STOX2: variants seen among roughly 807,000 people sequenced by gnomAD.
STOX2 encodes the protein storkhead-box protein 2.
In STOX2, 28 loss-of-function variants were observed where a neutral mutation model predicts 60.9. The ratio of observed to expected loss-of-function variants is 0.46; its 90% CI spans 0.34 to 0.63. The LOEUF is 0.63. Among genes scored for constraint, STOX2 ranks in the 30% least tolerant of loss-of-function variants. The pLI is 0.01. For synonymous variants in STOX2, 472 were observed against 463.9 expected, an observed-to-expected ratio of 1.02 and a Z score of -0.22; for missense variants, 1,024 against 1,187.7, an observed-to-expected ratio of 0.86 and a Z score of 2.03.
chr4:183,977,327 G>C (rs1374303422), intron 1 of STOX2, among the ~76,000 whole-genome samples: 2 of 152,056 alleles, frequency 1.3e-5, no homozygotes, highest in African/African-American at 2.4e-5. Context: ...TGTATCCACG[G>C]GATTAGAAGT....
intron 1 of STOX2, among the ~76,000 whole-genome samples, chr4:183,920,676 C>A (rs1742075699): frequency 6.6e-6 from 1 of 152,170 alleles, no homozygotes; most frequent in Non-Finnish European, 1.5e-5. Context: ...AAGGGGCAGG[C>A]TGGGGGATTT....
At chr4:183,803,231 G>C (rs1738808781) in intron 1 of STOX2, among the ~76,000 whole-genome samples, 1 of 152,060 alleles carries the variant, frequency 6.6e-6, no homozygotes, top group Non-Finnish European at 1.5e-5. Context: ...TAACATGTGG[G>C]AATTATGGGA....
rs1440001201 is a variant in STOX2, at chr4:183,906,706, G to C, written c.-85G>C. 1.5e-6 allele frequency: 2 copies of C among 1,367,914 alleles called. No individual in the cohort carries two copies. Among genetic ancestry groups the C allele is most frequent in the South Asian group, 3.1e-5 (2 of 64,892 alleles). The allele number at this position is 1,367,914 out of a possible 1,614,324, so 84.7% of individuals were successfully genotyped here. On this transcript the variant is annotated 5_prime_UTR_variant, in exon 1 of 4. Transcript: ENST00000308497. The stretch of plus-strand genomic sequence containing the variant: ...AATGTGCGCAGAGTCCGCCCGGGTC[G>C]TGCCCGCCGTAGACGGATGAAGGAG...
chr4:183,932,130 G>A (rs966559619), intron 1 of STOX2, among the ~76,000 whole-genome samples: 1 of 152,026 alleles, frequency 6.6e-6, no homozygotes, highest in Non-Finnish European at 1.5e-5. Flanking sequence ...TGAGTAGGAA[G>A]GAGGAGTCAA....
chr4:183,978,076 T>C (rs1732511585), intron 1 of STOX2, among the ~76,000 whole-genome samples: 1 of 152,276 alleles, frequency 6.6e-6, no homozygotes, highest in Non-Finnish European at 1.5e-5. Flanking sequence ...ATTATTTCTT[T>C]TGCTGTGCAA....
At chr4:183,815,167 T>A (rs116379365) in intron 1 of STOX2, among the ~76,000 whole-genome samples, 4,606 of 152,066 alleles carry the variant, frequency 0.03, 100 homozygotes, top group Middle Eastern at 0.1. Context: ...TAATTTTTTT[T>A]TTTTATTTTA....
chr4:183,879,080 C>A (rs1245851157), intron 1 of STOX2, among the ~76,000 whole-genome samples: 3 of 152,092 alleles, frequency 2.0e-5, no homozygotes, highest in Non-Finnish European at 2.9e-5. Context: ...AGATCAAGAG[C>A]CATAAATCTC....
intron 1 of STOX2, among the ~76,000 whole-genome samples, chr4:183,985,700 A>G (rs926366790): frequency 6.6e-5 from 10 of 152,154 alleles, no homozygotes; most frequent in African/African-American, 2.4e-4. Context: ...TTCATAGATC[A>G]TAGAAGAAAC....
intron 1 of STOX2, among the ~76,000 whole-genome samples, chr4:183,926,620 TG>T (rs1490042113): frequency 1.3e-5 from 2 of 150,562 alleles, no homozygotes; most frequent in African/African-American, 2.4e-5. Flanking sequence ...AAAGCAAAAG[TG>T]GGTTTTTTTT....
chr4:183,893,109 CTT>C (rs11347203), intron 1 of STOX2, among the ~76,000 whole-genome samples: 15 of 145,890 alleles, frequency 1.0e-4, no homozygotes, highest in Middle Eastern at 3.6e-3. Flanking sequence ...GTCCAACTTT[CTT>C]TTTTTTTTTT....
At chr4:183,857,151 G>A (rs72695308) in intron 1 of STOX2, among the ~76,000 whole-genome samples, 12,571 of 150,986 alleles carry the variant, frequency 0.083, 724 homozygotes, top group Middle Eastern at 0.13. Context: ...TATCCCGCAG[G>A]ACTGGTTATC....
In STOX2 at chr4:183,819,364, G is replaced by A. The variant is rs533840886; in HGVS notation, c.364+21309G>A. On this transcript the variant is annotated intron_variant, in intron 1 of 2. Transcript: ENST00000513034. The stretch of plus-strand genomic sequence containing the variant: ...TGGAGACCAGCCCGGCCAACACAGC[G>A]AAACCCCGTCTCCACCAAAAAAATA... 1.6e-3 allele frequency among the ~76,000 whole-genome samples: 239 copies of A among 152,108 alleles called. 1 individual carries two copies. The highest frequency in any genetic ancestry group is 5.2e-3 in the African/African-American group (216 of 41,464).
intron 1 of STOX2, among the ~76,000 whole-genome samples, chr4:183,994,592 A>T (rs1733253365): frequency 6.6e-6 from 1 of 152,200 alleles, no homozygotes; most frequent in African/African-American, 2.4e-5. Context: ...TTCATATAGG[A>T]TCACAGGATT....
chr4:183,989,169 GTTTTTTTTTTTT>G (rs11421201), intron 1 of STOX2, among the ~76,000 whole-genome samples: 5 of 80,012 alleles, frequency 6.2e-5, no homozygotes, highest in Admixed American at 2.6e-4. Context: ...ATTTTTTCTG[GTTTTTTTTTTTT>G]TTTTTTTTTT....
chr4:183,932,013 G>A (rs866614840), intron 1 of STOX2, among the ~76,000 whole-genome samples: 2 of 152,128 alleles, frequency 1.3e-5, no homozygotes, highest in African/African-American at 2.4e-5. Context: ...AGGAGACAGC[G>A]TGGAGCAGGT....
chr4:184,010,202 T>C lies in STOX2; in HGVS notation c.1364T>C (p.Phe455Ser). 6.4e-7 allele frequency: 1 copy of C among 1,554,444 alleles called. No individual in the cohort carries two copies. Among genetic ancestry groups the C allele is most frequent in the Non-Finnish European group, 8.7e-7 (1 of 1,148,562 alleles). The part of the protein sequence containing the change: ...ELAKRRTEMP[F>S]PEPSRGSSHS... ...GCTAAAAGGAGAACTGAGATGCCTT[T>C]TCCTGAACCTTCTAGGGGAAGCTCC... is the stretch of plus-strand genomic sequence containing the variant. Residue 455 changes from phenylalanine to serine, a missense_variant, in exon 3 of 4, where the codon TTT becomes TCT. This residue lies in a region of STOX2 where 922 missense variants were observed against 1,058.3 expected (regional missense o/e 0.87). Transcript: ENST00000308497. This position sits in a 1 kb window ranked among gnomAD's most constrained non-coding sequence, Gnocchi z 4.5.
chr4:183,891,561 G>A, intron 1 of STOX2, among the ~76,000 whole-genome samples: 1 of 151,498 alleles, frequency 6.6e-6, no homozygotes, highest in East Asian at 1.9e-4. Context: ...AAGCCAGGAG[G>A]ATGTAAAGGT....
chr4:183,948,114 A>T (rs909359206), intron 1 of STOX2, among the ~76,000 whole-genome samples: 1 of 145,186 alleles, frequency 6.9e-6, no homozygotes, highest in South Asian at 2.3e-4. Context: ...GCTAGTCAGG[A>T]GGCTGAGGCA....
chr4:183,919,156 A>G (rs1247938012), intron 1 of STOX2, among the ~76,000 whole-genome samples: 1 of 152,224 alleles, frequency 6.6e-6, no homozygotes, highest in African/African-American at 2.4e-5. Context: ...TGGAGCATGC[A>G]GATCTTGTTT....
Sources: gnomAD v4.1 joint callset for allele counts (sites outside exome capture counted in the v4.1 genomes callset) on GRCh38, gnomAD v4.1.1 for gene constraint, gnomAD v4.1.1 regional missense constraint, Gnocchi (gnomAD v3.1) non-coding constraint, MANE v1.5 for transcripts, NCBI Gene and HGNC (gene_info 2026-07-23, HGNC 2026-07-21) for gene names.